TSNARE1: variants seen among roughly 807,000 people sequenced by gnomAD.
TSNARE1 encodes t-SNARE domain containing 1.
In TSNARE1, 49 loss-of-function variants were observed where a neutral mutation model predicts 62.0. That is an observed-to-expected ratio of 0.79 (90% CI 0.63 to 1.00). The LOEUF is 1.00. Among genes scored for constraint, TSNARE1 ranks in the 50% least tolerant of loss-of-function variants. The probability of loss-of-function intolerance (pLI) is 0.00; values close to 1 mark genes in which losing one functional copy is unlikely to be tolerated. For missense variants in TSNARE1, 755 were observed against 700.1 expected, an observed-to-expected ratio of 1.08 and a Z score of -0.88; for synonymous variants, 328 against 294.4, an observed-to-expected ratio of 1.11 and a Z score of -1.17.
chr8:142,311,152 G>C (rs1277492966), intron 9 of TSNARE1, among the ~76,000 whole-genome samples: 2 of 151,386 alleles, frequency 1.3e-5, no homozygotes, highest in African/African-American at 4.9e-5. Context: ...ACCCAGCCAA[G>C]GGTGGTTGTT....
rs528277319 is a variant in TSNARE1, at chr8:142,313,166, CTGTG to C, written c.1131+1214_1131+1217del. ...TGTGTCTGCATGTCTATCTGTGTCT[CTGTG>C]TGTTTATCTGCATGTCTACATGTCT... On this transcript the variant is annotated intron_variant, in intron 9 of 13. Coordinates refer to ENST00000524325, the MANE Select transcript of TSNARE1 (RefSeq NM_145003.5). Among the ~76,000 whole-genome samples, 614 of 152,014 alleles carry C rather than the reference CTGTG, an allele frequency of 4.0e-3. 2 individuals are homozygous for C. The highest frequency in any genetic ancestry group is 5.0e-3 in the Non-Finnish European group (340 of 67,962).
At chr8:142,238,742 C>T (rs1299548164) in intron 12 of TSNARE1, among the ~76,000 whole-genome samples, 7 of 149,364 alleles carry the variant, frequency 4.7e-5, no homozygotes, top group Admixed American at 6.7e-5. Context: ...CCTGCACGCC[C>T]GCCCCTGCAC....
chr8:142,265,636 G>T (rs1382404575), intron 12 of TSNARE1, among the ~76,000 whole-genome samples: 2 of 152,216 alleles, frequency 1.3e-5, no homozygotes, highest in Non-Finnish European at 2.9e-5. Context: ...GTGTTGTATA[G>T]TAAGTGTTAT....
chr8:142,280,220 C>G (rs997043118), intron 11 of TSNARE1: 11 of 985,244 alleles, frequency 1.1e-5, no homozygotes, highest in Non-Finnish European at 1.3e-5. Flanking sequence ...GAGTGGGGGC[C>G]CGGCCGCAGG....
intron 12 of TSNARE1, among the ~76,000 whole-genome samples, chr8:142,248,764 CA>C (rs1219115269): frequency 1.6e-4 from 25 of 152,318 alleles, no homozygotes; most frequent in Admixed American, 1.6e-3. Context: ...GAGCCTGGCC[CA>C]CGGGGGCTCC....
At chr8:142,259,689 C>A (rs970402116) in intron 12 of TSNARE1, among the ~76,000 whole-genome samples, 4 of 152,338 alleles carry the variant, frequency 2.6e-5, no homozygotes, top group African/African-American at 7.2e-5. Flanking sequence ...CCACAAGCAG[C>A]CTCTTACAGG....
At chr8:142,294,463 C>G (rs1824346727) in intron 10 of TSNARE1, among the ~76,000 whole-genome samples, 1 of 152,228 alleles carries the variant, frequency 6.6e-6, no homozygotes, top group Non-Finnish European at 1.5e-5. Flanking sequence ...GACCAGGGCT[C>G]AGAGAGTGAC....
At chr8:142,366,430 TAAATAAAATCC>T (rs1835555516) in intron 1 of TSNARE1, among the ~76,000 whole-genome samples, 2 of 152,146 alleles carry the variant, frequency 1.3e-5, no homozygotes, top group Admixed American at 6.5e-5. Context: ...AAAACACTAA[TAAATAAAATCC>T]AAAACCCCCT....
chr8:142,278,400 CTG>C, intron 11 of TSNARE1: 1 of 985,480 alleles, frequency 1.0e-6, no homozygotes, highest in African/African-American at 1.7e-5. Flanking sequence ...TCTGTCCACT[CTG>C]TGGCCCTCAA....
Position 142,230,531 on chromosome 8 carries a change from G to T in TSNARE1, c.1447-952C>A, listed in dbSNP as rs146759358. 2.9e-3 allele frequency among the ~76,000 whole-genome samples: 449 copies of T among 152,268 alleles called. 8 individuals carry two copies. The highest frequency in any genetic ancestry group is 3.9e-3 in the East Asian group (20 of 5,184). ...GGGTAGAAAAGAGATCTGAGACAAGGATGCCAGACAGGCGGAAGACTAACG... is the reference window on the plus strand; with the variant it reads ...GGGTAGAAAAGAGATCTGAGACAAGTATGCCAGACAGGCGGAAGACTAACG... On this transcript the variant is annotated intron_variant, in intron 12 of 13. Coordinates refer to ENST00000524325, the MANE Select transcript of TSNARE1 (RefSeq NM_145003.5).
At chr8:142,388,419 T>A (rs1468815556) in intron 1 of TSNARE1, among the ~76,000 whole-genome samples, 1 of 147,378 alleles carries the variant, frequency 6.8e-6, no homozygotes, top group Non-Finnish European at 1.5e-5. Flanking sequence ...GAAACTAGAG[T>A]ATAAAATTGG....
Position 142,354,774 on chromosome 8 carries a change from C to CAG in TSNARE1, c.-39-12_-39-11insCT, listed in dbSNP as rs747215711. On this transcript the variant is annotated splice_polypyrimidine_tract_variant and intron_variant, in intron 1 of 13. Coordinates refer to ENST00000524325, the MANE Select transcript of TSNARE1 (RefSeq NM_145003.5). ...AGCCTCCACACTGAGCTGGAGGAAACACGAAAAGCAGGGGGAAGAGGGGGA... is the reference window on the plus strand; with the variant it reads ...AGCCTCCACACTGAGCTGGAGGAAACAGACGAAAAGCAGGGGGAAGAGGGGGA... The CAG allele has an allele frequency of 6.7e-7, 1 of 1,485,670 alleles. No homozygotes were observed. The highest frequency in any genetic ancestry group is 9.4e-7 in the Non-Finnish European group (1 of 1,065,402). 92.0% of individuals were successfully genotyped at this position (1,485,670 alleles called of 1,614,324 possible).
intron 1 of TSNARE1, among the ~76,000 whole-genome samples, chr8:142,386,168 A>T (rs1352500932): frequency 6.6e-6 from 1 of 152,184 alleles, no homozygotes; most frequent in East Asian, 1.9e-4. Context: ...TGAGATCCAT[A>T]CCCTTTAATC....
At chr8:142,221,892 T>C (rs1184799215) in intron 13 of TSNARE1, among the ~76,000 whole-genome samples, 149 of 49,286 alleles carry the variant, frequency 3.0e-3, no homozygotes, top group Middle Eastern at 0.016. Flanking sequence ...CATCCACTCA[T>C]TCACTCACTC....
chr8:142,396,853 T>A (rs1837929409), intron 1 of TSNARE1, among the ~76,000 whole-genome samples: 1 of 152,208 alleles, frequency 6.6e-6, no homozygotes, highest in African/African-American at 2.4e-5. Context: ...GAGGTGTTGT[T>A]ATAATCAGAA....
intron 10 of TSNARE1, among the ~76,000 whole-genome samples, chr8:142,288,279 C>T (rs1391564271): frequency 6.6e-6 from 1 of 152,214 alleles, no homozygotes; most frequent in Non-Finnish European, 1.5e-5. Context: ...CCAGGCACGC[C>T]TCTGTGCACA....
rs113682926 is a variant in TSNARE1 at position 142,330,710 on chromosome 8, T to A, written c.893+191A>T. On this transcript the variant is annotated intron_variant, in intron 6 of 13. Transcript: ENST00000524325. The stretch of plus-strand genomic sequence containing the variant: ...GGGCACCTGCAGGCTGAGGGCCCAG[T>A]CTCAGGTTCACAGCACTGACTAGGC... Among the ~76,000 whole-genome samples, 881 of 152,272 alleles carry A rather than the reference T, an allele frequency of 5.8e-3. 13 individuals carry two copies. The highest frequency in any genetic ancestry group is 0.02 in the African/African-American group (840 of 41,568).
intron 10 of TSNARE1, among the ~76,000 whole-genome samples, chr8:142,298,667 G>A (rs754011713): frequency 2.6e-5 from 4 of 152,140 alleles, no homozygotes; most frequent in African/African-American, 7.2e-5. Flanking sequence ...TTCTGTGAGC[G>A]ACCTCCACTC....
intron 1 of TSNARE1, among the ~76,000 whole-genome samples, chr8:142,384,430 G>A (rs1006178188): frequency 7.2e-5 from 11 of 152,238 alleles, no homozygotes; most frequent in Admixed American, 2.6e-4. Context: ...TTCAAAACAC[G>A]CTACAAAGCT....
Sources: gnomAD v4.1 joint callset for allele counts (sites outside exome capture counted in the v4.1 genomes callset) on GRCh38, gnomAD v4.1.1 for gene constraint, MANE v1.5 for transcripts, NCBI Gene and HGNC (gene_info 2026-07-23, HGNC 2026-07-21) for gene names.